The following NCKAP5 variants were observed in gnomAD, a reference collection of about 807,000 sequenced individuals.
NCKAP5 encodes the protein nck-associated protein 5.
NCKAP5 carries 92 observed loss-of-function variants against 167.0 expected under a neutral mutation model. That is an observed-to-expected ratio of 0.55 (90% CI 0.47 to 0.66). The LOEUF (loss-of-function observed/expected upper bound fraction) is 0.66. Among genes scored for constraint, NCKAP5 ranks in the 30% least tolerant of loss-of-function variants. The pLI, the probability that NCKAP5 is intolerant of heterozygous loss-of-function variation, is 0.00. For missense variants in NCKAP5, 2,378 were observed against 2,315.0 expected, an observed-to-expected ratio of 1.03 and a Z score of -0.56; for synonymous variants, 891 against 877.4, an observed-to-expected ratio of 1.02 and a Z score of -0.27.
intron 5 of NCKAP5, among the ~76,000 whole-genome samples, chr2:133,198,654 G>T (rs1254502898): frequency 6.6e-6 from 1 of 152,040 alleles, no homozygotes; most frequent in African/African-American, 2.4e-5. Context: ...TAAATGAACA[G>T]AGATTTACAT....
intron 6 of NCKAP5, among the ~76,000 whole-genome samples, chr2:133,001,280 T>G (rs2077769577): frequency 1.3e-5 from 2 of 149,822 alleles, no homozygotes; most frequent in African/African-American, 2.5e-5. Flanking sequence ...GTTGCAGTGG[T>G]GCAATCTCGA....
At chr2:132,762,582 C>T (rs1001131382) in intron 16 of NCKAP5, among the ~76,000 whole-genome samples, 6 of 152,162 alleles carry the variant, frequency 3.9e-5, no homozygotes, top group Non-Finnish European at 8.8e-5. Context: ...TTCAGTGGGG[C>T]CTTTCCCCTT....
chr2:133,226,830 A>G (rs2086916104), intron 4 of NCKAP5, among the ~76,000 whole-genome samples: 1 of 152,190 alleles, frequency 6.6e-6, no homozygotes, highest in South Asian at 2.1e-4. Flanking sequence ...TCTGTTGTGT[A>G]AGCCACCCCC....
chr2:133,364,484 A>C (rs990943159), intron 3 of NCKAP5, among the ~76,000 whole-genome samples: 2 of 152,182 alleles, frequency 1.3e-5, no homozygotes, highest in African/African-American at 4.8e-5. Context: ...TTAAATAAAA[A>C]TGACACAATG....
intron 3 of NCKAP5, among the ~76,000 whole-genome samples, chr2:133,325,819 C>G (rs1003537351): frequency 3.9e-5 from 6 of 152,184 alleles, no homozygotes; most frequent in African/African-American, 1.2e-4. Flanking sequence ...CTAGCCTTGG[C>G]CTCCCAACTT....
At chr2:132,885,804 A>C (rs1692169170) in intron 8 of NCKAP5, among the ~76,000 whole-genome samples, 1 of 152,218 alleles carries the variant, frequency 6.6e-6, no homozygotes, top group Admixed American at 6.5e-5. Context: ...TATGTTTAAA[A>C]TCTTTGTATA....
At chr2:133,326,221 C>T (rs1444950164) in intron 3 of NCKAP5, among the ~76,000 whole-genome samples, 5 of 152,024 alleles carry the variant, frequency 3.3e-5, no homozygotes, top group East Asian at 1.9e-4. Flanking sequence ...TTTGGGAGGC[C>T]GAGGCAGGCG....
At chr2:133,027,940 A>G (rs938475895) in intron 6 of NCKAP5, among the ~76,000 whole-genome samples, 1 of 152,186 alleles carries the variant, frequency 6.6e-6, no homozygotes, top group Non-Finnish European at 1.5e-5. Flanking sequence ...CATACCTCTG[A>G]ACATGTTTTC....
chr2:133,298,836 T>A (rs1051213949), intron 4 of NCKAP5, among the ~76,000 whole-genome samples: 1 of 152,178 alleles, frequency 6.6e-6, no homozygotes, highest in Non-Finnish European at 1.5e-5. Flanking sequence ...CCATACATGT[T>A]ATTGCTGATT....
At chr2:133,234,330 G>GA (rs2087293342) in intron 4 of NCKAP5, among the ~76,000 whole-genome samples, 1 of 152,172 alleles carries the variant, frequency 6.6e-6, no homozygotes, top group Non-Finnish European at 1.5e-5. Flanking sequence ...CAACAAAGAT[G>GA]ATCTGAACAC....
At chr2:133,545,403 G>A (rs1686570145) in intron 2 of NCKAP5, among the ~76,000 whole-genome samples, 1 of 152,096 alleles carries the variant, frequency 6.6e-6, no homozygotes, top group African/African-American at 2.4e-5. Flanking sequence ...AGTTTGCGCA[G>A]ATTTAGGAAG....
chr2:133,345,858 G>T (rs542678671), intron 3 of NCKAP5, among the ~76,000 whole-genome samples: 2 of 152,254 alleles, frequency 1.3e-5, no homozygotes, highest in South Asian at 4.1e-4. Flanking sequence ...TTCCTAGGAG[G>T]TTTGGGGTAT....
intron 5 of NCKAP5, among the ~76,000 whole-genome samples, chr2:133,184,540 A>T (rs2084865043): frequency 6.6e-6 from 1 of 152,164 alleles, no homozygotes. Context: ...GGAAATCTGT[A>T]AACTGCTTTC....
intron 6 of NCKAP5, among the ~76,000 whole-genome samples, chr2:133,102,368 C>T (rs1351705060): frequency 2.6e-5 from 4 of 152,048 alleles, no homozygotes; most frequent in South Asian, 2.1e-4. Context: ...AGGATGGTCT[C>T]GATCTCCTGA....
intron 16 of NCKAP5, among the ~76,000 whole-genome samples, chr2:132,738,873 T>C (rs2105557086): frequency 6.6e-6 from 1 of 152,092 alleles, no homozygotes; most frequent in South Asian, 2.1e-4. Flanking sequence ...TCTCACACAT[T>C]ACTTCAAGGA....
intron 6 of NCKAP5, among the ~76,000 whole-genome samples, chr2:133,060,809 T>C (rs907087632): frequency 1.3e-5 from 2 of 152,168 alleles, no homozygotes; most frequent in African/African-American, 4.8e-5. Context: ...AGGCAGCATA[T>C]TGGGCAGCCT....
the NCKAP5 span, among the ~76,000 whole-genome samples, chr2:133,639,153 T>A: frequency 1.3e-5 from 2 of 152,190 alleles, no homozygotes; most frequent in Non-Finnish European, 2.9e-5. Context: ...CAAAAATTAA[T>A]AAATTCAGAG....
intron 8 of NCKAP5, among the ~76,000 whole-genome samples, chr2:132,950,363 T>C (rs1165634415): frequency 2.0e-5 from 3 of 152,190 alleles, no homozygotes; most frequent in African/African-American, 2.4e-5. Flanking sequence ...ATCATTATTA[T>C]TCTTCAATAT....
intron 4 of NCKAP5, among the ~76,000 whole-genome samples, chr2:133,236,070 C>CAAAAAAAAA (rs527705526): frequency 0.011 from 180 of 15,668 alleles, 37 homozygotes; most frequent in African/African-American, 0.023. Flanking sequence ...TGTCTCAGAC[C>CAAAAAAAAA]AAAAAAAAAA....
Sources: allele counts gnomAD v4.1 joint callset (sites outside exome capture counted in the v4.1 genomes callset), GRCh38; gene constraint gnomAD v4.1.1; transcripts MANE v1.5; gene names NCBI Gene and HGNC (gene_info 2026-07-23, HGNC 2026-07-21).